SUN1: variants seen among roughly 807,000 people sequenced by gnomAD.
The protein encoded by SUN1 is SUN domain-containing protein 1.
In SUN1, 61 loss-of-function variants were observed where a neutral mutation model predicts 103.2. That is an observed-to-expected ratio of 0.59 (90% CI 0.48 to 0.73). The LOEUF (loss-of-function observed/expected upper bound fraction) is 0.73, where lower values mean the gene tolerates loss of function less well. Among genes scored for constraint, SUN1 ranks in the 30% least tolerant of loss-of-function variants. The pLI is 0.00. For missense variants in SUN1, 1,052 were observed against 1,034.6 expected (o/e 1.02, Z -0.23); for synonymous variants, 490 against 425.7 (o/e 1.15, Z -1.86).
Position 843,952 on chromosome 7 carries a change from AG to A in SUN1, c.658+433del, listed in dbSNP as rs148749295. On this transcript the variant is annotated intron_variant, in intron 5 of 18. Transcript: ENST00000401592. ...CGGGAAAACATTTCCCGTGGTCGCT[AG>A]CCCTGTGCTTATGGTGATGGAGGGG... 4.3e-5 allele frequency: 45 copies of A among 1,037,766 alleles called. No individual in the cohort carries two copies. The East Asian group carries it at 2.9e-3, about 68-fold the overall frequency. The allele number at this position is 1,037,766 out of a possible 1,614,324, so 64.3% of individuals were successfully genotyped here. A position where few individuals can be genotyped will look rare whatever the true frequency, so the allele number is the denominator to read the frequency against.
chr7:855,239 C>T (rs948986815), intron 11 of SUN1, among the ~76,000 whole-genome samples: 2 of 152,204 alleles, frequency 1.3e-5, no homozygotes, highest in Non-Finnish European at 2.9e-5. Context: ...CAGAGCAGGG[C>T]TGCACACGCC....
upstream of SUN1, among the ~76,000 whole-genome samples, chr7:831,550 G>A (rs1798019425): frequency 6.6e-6 from 1 of 152,282 alleles, no homozygotes; most frequent in East Asian, 1.9e-4. Context: ...GATTCCAGGC[G>A]TGAGCCACCG....
At position 853,568 on chromosome 7, in the gene SUN1, G is replaced by A. The variant is rs371053179; in HGVS notation, c.1213G>A (p.Ala405Thr). ...ARVDQMEGGA[A>T]GPSASVRDAV... ...GGTGGACCAGATGGAAGGCGGCGCTGCCGGGCCGTCAGCTTCGGTCAGAGA... is the reference window on the plus strand; with the variant it reads ...GGTGGACCAGATGGAAGGCGGCGCTACCGGGCCGTCAGCTTCGGTCAGAGA... The change falls in exon 10 of 19, where the codon GCC (alanine) becomes ACC (threonine). Residue 405 changes from alanine to threonine, a missense_variant. This residue lies in a region of SUN1 where 846 missense variants were observed against 774.5 expected (regional missense o/e 1.09). Transcript: ENST00000401592. 1.2e-6 allele frequency: 2 copies of A among 1,610,474 alleles called. No individual in the cohort carries two copies. Among genetic ancestry groups the A allele is most frequent in the African/African-American group, 1.3e-5 (1 of 75,050 alleles).
rs6954454 is a variant in SUN1 at position 851,069 on chromosome 7, A to C, written c.659-315A>C. Reference sequence around the variant, plus strand: ...TAAATTGTGCTGGCACCAATGGCCAATATTTGTAGGGCGGCTTCCAACCTC... The same window carrying C: ...TAAATTGTGCTGGCACCAATGGCCACTATTTGTAGGGCGGCTTCCAACCTC... On this transcript the variant is annotated intron_variant, in intron 5 of 18. Coordinates refer to ENST00000401592, the MANE Select transcript of SUN1 (RefSeq NM_001130965.3). The C allele has an allele frequency of 2.7e-3, 577 of 211,626 alleles. 5 individuals are homozygous for C. The highest frequency in any genetic ancestry group is 7.1e-4 in the Non-Finnish European group (74 of 103,508). 13.1% of individuals were successfully genotyped at this position (211,626 alleles called of 1,614,324 possible). A position where few individuals can be genotyped will look rare whatever the true frequency, so the allele number is the denominator to read the frequency against.
chr7:840,995 G>A (rs1407923874), intron 2 of SUN1, among the ~76,000 whole-genome samples: 13 of 149,418 alleles, frequency 8.7e-5, no homozygotes, highest in African/African-American at 2.7e-4. Context: ...GTGCAATGGC[G>A]CGATCTTGGC....
At chr7:837,430 A>G (rs1480607935) in intron 1 of SUN1, among the ~76,000 whole-genome samples, 4 of 152,114 alleles carry the variant, frequency 2.6e-5, no homozygotes, top group African/African-American at 7.2e-5. Context: ...CTGGTTTTCA[A>G]TTGGAGTCAA....
Position 869,416 on chromosome 7 carries a change from C to G in SUN1, c.2048C>G (p.Ser683Cys), listed in dbSNP as rs1839816344. ...GSQGYLVVRL[S>C]MMIHPAAFTL... ...CAGGGGTACCTGGTGGTGAGGCTCT[C>G]CATGATGATCCACCCAGCCGCCTTC... Residue 683 changes from serine (S) to cysteine (C), a missense_variant, in exon 17 of 19, where the codon TCC (serine) becomes TGC (cysteine). By Grantham distance (112) the Ser-to-Cys change is moderately radical (BLOSUM62 -1). Coordinates refer to ENST00000401592, the MANE Select transcript of SUN1 (RefSeq NM_001130965.3). The G allele has an allele frequency of 1.3e-5, 21 of 1,613,908 alleles. No individual in the cohort carries two copies. Among genetic ancestry groups the G allele is most frequent in the Non-Finnish European group, 1.8e-5 (21 of 1,179,870 alleles).
Position 863,038 on chromosome 7 carries a change from A to C in SUN1, c.1864+1574A>C, listed in dbSNP as rs557311787. On this transcript the variant is annotated intron_variant, in intron 15 of 18. Transcript: ENST00000401592. ...GCGCCTGTAGTCCCAGCTACTTGGG[A>C]GGCTAAGGCAGGAGAATGGCGTGAA... is the stretch of plus-strand genomic sequence containing the variant. 4.6e-5 allele frequency among the ~76,000 whole-genome samples: 7 copies of C among 152,282 alleles called. No individual in the cohort carries two copies. The East Asian group carries it at 1.4e-3, about 29-fold the overall frequency.
At position 851,441 on chromosome 7, in the gene SUN1, G is replaced by A; in HGVS notation, c.716G>A (p.Arg239Lys). 6.2e-7 allele frequency: 1 copy of A among 1,610,518 alleles called. No homozygotes were observed. Among genetic ancestry groups the A allele is most frequent in the Non-Finnish European group, 8.5e-7 (1 of 1,178,504 alleles). ...RIGAVGQAVS[R>K]TAWSALWLAV... ...GGAGCTGTGGGCCAGGCTGTGTCCA[G>A]GACGGCGTGGTCGGCCCTTTGGCTG... The change falls in exon 6 of 19, where the codon AGG becomes AAG. Residue 239 changes from arginine (R) to lysine (K), a missense_variant. Physicochemically the swap from Arg to Lys is conservative, Grantham distance 26. Around this residue, in one of 2 missense-constraint regions of SUN1, gnomAD observed 846 missense variants for 774.5 expected, o/e 1.09. Coordinates refer to ENST00000401592, the MANE Select transcript of SUN1 (RefSeq NM_001130965.3).
rs374699982 is a variant in SUN1 at position 843,370 on chromosome 7, G to A, written c.508G>A (p.Gly170Arg). 3.4e-5 allele frequency: 55 copies of A among 1,608,788 alleles called. No individual in the cohort carries two copies. The highest frequency in any genetic ancestry group is 6.7e-5 in the African/African-American group (5 of 74,754). The change falls in exon 5 of 19, where the codon GGG becomes AGG. Residue 170 changes from glycine (G) to arginine (R), a missense_variant. Physicochemically the swap from Gly to Arg is moderately radical, Grantham distance 125. Transcript: ENST00000401592. Reference sequence around the variant, plus strand: ...AAATAAAGCTGCCATTCAGGGAAACGGGGATGTGGGAGCCGCCGCCGCCAC... The same window carrying A: ...AAATAAAGCTGCCATTCAGGGAAACAGGGATGTGGGAGCCGCCGCCGCCAC... ...GGNKAAIQGN[G>R]DVGAAAATAH...
intron 15 of SUN1, among the ~76,000 whole-genome samples, chr7:862,890 G>A (rs529062554): frequency 7.0e-4 from 106 of 152,298 alleles, no homozygotes; most frequent in African/African-American, 2.3e-3. Context: ...AGTGGCTCAC[G>A]TCTGTAATCC....
intron 1 of SUN1, among the ~76,000 whole-genome samples, chr7:838,320 C>A (rs1284088252): frequency 6.6e-6 from 1 of 152,212 alleles, no homozygotes. Flanking sequence ...TGTCTGAAGC[C>A]TTTAGATAAA....
At chr7:826,837 C>T (rs77441044) in intron 1 of SUN1, among the ~76,000 whole-genome samples, 5,453 of 152,190 alleles carry the variant, frequency 0.036, 322 homozygotes, top group African/African-American at 0.12. Context: ...TGCAGGAGAT[C>T]CCATTGTTCA....
rs1408617036 is a variant in SUN1 at position 869,140 on chromosome 7, C to T, written c.1981-209C>T. 3 of 551,134 alleles carry T rather than the reference C, an allele frequency of 5.4e-6. 1 individual carries two copies. The highest frequency in any genetic ancestry group is 6.5e-5 in the East Asian group (2 of 30,640). 34.1% of individuals were successfully genotyped at this position (551,134 alleles called of 1,614,324 possible). ...TTCTTTAAGGTTCTGGTCGTTTTAACTTTTATACAACATATGGGTTGGAGA... is the reference window on the plus strand; with the variant it reads ...TTCTTTAAGGTTCTGGTCGTTTTAATTTTTATACAACATATGGGTTGGAGA... On this transcript the variant is annotated intron_variant, in intron 16 of 18. Transcript: ENST00000401592.
At chr7:848,479 TTCA>T in intron 5 of SUN1, 1 of 1,364,532 alleles carries the variant, frequency 7.3e-7, no homozygotes, top group Non-Finnish European at 9.8e-7. Context: ...CATCATCTTT[TTCA>T]TCATTTTTAG....
At chr7:862,883 G>A (rs1444216491) in intron 15 of SUN1, among the ~76,000 whole-genome samples, 2 of 152,218 alleles carry the variant, frequency 1.3e-5, no homozygotes, top group African/African-American at 4.8e-5. Flanking sequence ...CGGGCGCAGT[G>A]GCTCACGTCT....
At chr7:817,266 C>G in intron 1 of SUN1, 2 of 710,710 alleles carry the variant, frequency 2.8e-6, no homozygotes, top group South Asian at 3.3e-5. Flanking sequence ...GGCTGATAGT[C>G]GTATTTTTTG....
rs561697837 is a variant in SUN1 at position 869,510 on chromosome 7, C to G, written c.2142C>G (p.Ala714=). The change falls in exon 17 of 19, where the codon GCC becomes GCG. Residue 714 remains alanine (A), a synonymous_variant. Coordinates refer to ENST00000401592, the MANE Select transcript of SUN1 (RefSeq NM_001130965.3). ...GNISSAPKDF[A]VYGLENEYQE... is the part of the protein sequence containing the mutation. ...TCAGCAGCGCCCCCAAGGACTTCGC[C>G]GTCTATGTGAGTGCCCTTGGCCGAC... 6.2e-7 allele frequency: 1 copy of G among 1,613,050 alleles called. No individual in the cohort carries two copies. Among genetic ancestry groups the G allele is most frequent in the Non-Finnish European group, 8.5e-7 (1 of 1,179,524 alleles).
At chr7:834,238 G>A (rs1252726776) in intron 1 of SUN1, among the ~76,000 whole-genome samples, 1 of 151,950 alleles carries the variant, frequency 6.6e-6, no homozygotes, top group Admixed American at 6.6e-5. Context: ...GGTGTAGGCT[G>A]GGCTGGGAAT....
Sources: allele counts gnomAD v4.1 joint callset (sites outside exome capture counted in the v4.1 genomes callset), GRCh38; gene constraint gnomAD v4.1.1; regional missense constraint gnomAD v4.1.1; transcripts MANE v1.5; gene names NCBI Gene and HGNC (gene_info 2026-07-23, HGNC 2026-07-21).